EYA1: variants seen among roughly 807,000 people sequenced by gnomAD.
The protein encoded by EYA1 is protein phosphatase EYA1.
A neutral mutation model predicts 82.0 loss-of-function variants in EYA1; 16 were observed. That is an observed-to-expected ratio of 0.20 (90% CI 0.13 to 0.30). EYA1 has a LOEUF of 0.30. Ranked by LOEUF, EYA1 falls within the 10% of genes least tolerant of loss-of-function variation. EYA1 has a pLI of 1.00. For synonymous variants in EYA1, 261 were observed against 264.4 expected (o/e 0.99, Z 0.12); for missense variants, 633 against 730.7 (o/e 0.87, Z 1.54).
chr8:71,417,758 G>A (rs1409201478), intron 2 of EYA1, among the ~76,000 whole-genome samples: 2 of 152,112 alleles, frequency 1.3e-5, no homozygotes, highest in East Asian at 1.9e-4. Context: ...GAGAAACCCT[G>A]CTTCAGGCCT....
chr8:71,341,502 T>C (rs1365722260), intron 3 of EYA1, among the ~76,000 whole-genome samples: 1 of 152,206 alleles, frequency 6.6e-6, no homozygotes, highest in Non-Finnish European at 1.5e-5. Context: ...AAAAGCAACA[T>C]TGCTAAATTT....
At chr8:71,482,365 TAGTTAA>T (rs1188821636) in intron 2 of EYA1, among the ~76,000 whole-genome samples, 10 of 152,174 alleles carry the variant, frequency 6.6e-5, no homozygotes, top group South Asian at 4.1e-4. Flanking sequence ...TCTACTAGGA[TAGTTAA>T]AGTTAAAGAA....
intron 2 of EYA1, among the ~76,000 whole-genome samples, chr8:71,439,162 AC>A (rs940398516): frequency 3.9e-5 from 6 of 152,100 alleles, no homozygotes; most frequent in African/African-American, 1.4e-4. Context: ...AAAGGTTAAA[AC>A]CTTTTTTCCT....
At chr8:71,413,211 T>C (rs2129142616) in intron 2 of EYA1, among the ~76,000 whole-genome samples, 1 of 152,282 alleles carries the variant, frequency 6.6e-6, no homozygotes, top group South Asian at 2.1e-4. Flanking sequence ...AGTGCTTCAT[T>C]CTTAAGAGTC....
At chr8:71,378,781 CATA>C (rs1413249734) in intron 2 of EYA1, among the ~76,000 whole-genome samples, 1 of 152,046 alleles carries the variant, frequency 6.6e-6, no homozygotes, top group African/African-American at 2.4e-5. Flanking sequence ...AAGTCATAGA[CATA>C]ATCACAATTT....
intron 2 of EYA1, among the ~76,000 whole-genome samples, chr8:71,444,870 G>A (rs1806741881): frequency 6.6e-6 from 1 of 152,186 alleles, no homozygotes; most frequent in Non-Finnish European, 1.5e-5. Flanking sequence ...CCTCAAGATG[G>A]CCATTACCAA....
In EYA1 at chr8:71,386,065, C is replaced by T. The variant is rs143264994; in HGVS notation, c.34-29554G>A. On this transcript the variant is annotated intron_variant, in intron 2 of 18. Transcript: ENST00000643681. ...ATTATGCTTCACTGTATTACTTTCA[C>T]GCCACTTAGGAAAATATTTCTGTTT... 8.0e-4 allele frequency among the ~76,000 whole-genome samples: 122 copies of T among 152,232 alleles called. 1 individual carries two copies. The highest frequency in any genetic ancestry group is 6.8e-3 in the Middle Eastern group (2 of 294).
intron 2 of EYA1, among the ~76,000 whole-genome samples, chr8:71,506,283 G>T (rs72655722): frequency 0.055 from 8,381 of 152,254 alleles, 337 homozygotes; most frequent in Middle Eastern, 0.11. Context: ...AAAGTATTTA[G>T]AAAATTAAAG....
intron 2 of EYA1, among the ~76,000 whole-genome samples, chr8:71,437,474 T>G (rs772594331): frequency 6.6e-6 from 1 of 152,046 alleles, no homozygotes; most frequent in Non-Finnish European, 1.5e-5. Flanking sequence ...ACATAGCTCT[T>G]AGGTTTTCTA....
intron 2 of EYA1, among the ~76,000 whole-genome samples, chr8:71,451,686 T>C (rs34282029): frequency 0.18 from 27,230 of 152,162 alleles, 2,682 homozygotes; most frequent in Non-Finnish European, 0.22. Flanking sequence ...GTTGGTGAAA[T>C]GAACATATCT....
At chr8:71,371,831 C>T (rs1828098279) in intron 2 of EYA1, among the ~76,000 whole-genome samples, 1 of 151,382 alleles carries the variant, frequency 6.6e-6, no homozygotes, top group Non-Finnish European at 1.5e-5. Flanking sequence ...AAAAAGGAGC[C>T]CTTGGAAATA....
chr8:71,482,466 G>A (rs1361004521), intron 2 of EYA1, among the ~76,000 whole-genome samples: 2 of 152,164 alleles, frequency 1.3e-5, no homozygotes, highest in East Asian at 1.9e-4. Context: ...CAACCACATT[G>A]AAAAGCTGTT....
chr8:71,317,841 A>G (rs1272201417), intron 6 of EYA1, 152 bp from the exon 7 acceptor site: 3 of 744,026 alleles, frequency 4.0e-6, no homozygotes, highest in Non-Finnish European at 7.1e-6. Context: ...GAAATACCAT[A>G]AAGTACAACT....
At chr8:71,462,960 A>G (rs1808480794) in intron 2 of EYA1, among the ~76,000 whole-genome samples, 5 of 152,246 alleles carry the variant, frequency 3.3e-5, no homozygotes, top group Admixed American at 3.3e-4. Flanking sequence ...AAATTTTTCT[A>G]GTAGCCATGT....
intron 11 of EYA1, among the ~76,000 whole-genome samples, chr8:71,265,995 T>G (rs1815749882): frequency 6.6e-6 from 1 of 152,178 alleles, no homozygotes; most frequent in African/African-American, 2.4e-5. Flanking sequence ...ACACGGAAGG[T>G]GGGACATTCT....
At chr8:71,210,154 T>C (rs1808322465) in intron 17 of EYA1, among the ~76,000 whole-genome samples, 1 of 152,238 alleles carries the variant, frequency 6.6e-6, no homozygotes, top group Non-Finnish European at 1.5e-5. Flanking sequence ...GGCAGGGTCA[T>C]AATTCAAACT....
At chr8:71,203,749 G>A (rs1807374502) in intron 17 of EYA1, among the ~76,000 whole-genome samples, 1 of 152,168 alleles carries the variant, frequency 6.6e-6, no homozygotes, top group Non-Finnish European at 1.5e-5. Flanking sequence ...AAGCAATTTA[G>A]GGCAGCAGTC....
intron 7 of EYA1, among the ~76,000 whole-genome samples, chr8:71,312,309 G>A (rs2129016485): frequency 6.6e-6 from 1 of 152,300 alleles, no homozygotes; most frequent in African/African-American, 2.4e-5. Flanking sequence ...TAATTTAGGT[G>A]TATGTACAAC....
At chr8:71,370,358 C>T (rs1828008329) in intron 2 of EYA1, among the ~76,000 whole-genome samples, 1 of 148,032 alleles carries the variant, frequency 6.8e-6, no homozygotes, top group Non-Finnish European at 1.5e-5. Flanking sequence ...AGTCACTCAA[C>T]AAATATTTAT....
Sources: allele counts gnomAD v4.1 joint callset (sites outside exome capture counted in the v4.1 genomes callset), GRCh38; gene constraint gnomAD v4.1.1; transcripts MANE v1.5; gene names NCBI Gene and HGNC (gene_info 2026-07-23, HGNC 2026-07-21).